The following NCOA1 variants were observed in gnomAD, a reference collection of about 807,000 sequenced individuals.
NCOA1 encodes the protein Hin-2 protein.
Under a neutral mutation model 150.9 loss-of-function variants are expected in NCOA1, and 35 were observed. That is an observed-to-expected ratio of 0.23 (90% confidence interval 0.18 to 0.31). The LOEUF (loss-of-function observed/expected upper bound fraction) is 0.31, where lower values mean the gene tolerates loss of function less well. NCOA1 is among the 10% of genes least tolerant of loss of function. The probability of loss-of-function intolerance (pLI) is 1.00; values close to 1 mark genes in which losing one functional copy is unlikely to be tolerated. For missense variants in NCOA1, 1,491 were observed against 1,749.3 expected (o/e 0.85, Z 2.63); for synonymous variants, 590 against 630.0 (o/e 0.94, Z 0.95).
Position 24,630,081 on chromosome 2 carries a change from G to A in NCOA1, c.-174-13885G>A, listed in dbSNP as rs952936103. Among the ~76,000 whole-genome samples, 4 of 151,840 alleles carry A rather than the reference G, an allele frequency of 2.6e-5. No homozygotes were observed. The East Asian group carries it at 7.8e-4, about 30-fold the overall frequency. On this transcript the variant is annotated intron_variant, in intron 3 of 22. Coordinates refer to ENST00000348332, the MANE Select transcript of NCOA1 (RefSeq NM_003743.5). ...AGGATGGTCTCGATCTCCTGACCTCGTGATCCGCCCGTCTCGGCCTCCCAA... is the reference window on the plus strand; with the variant it reads ...AGGATGGTCTCGATCTCCTGACCTCATGATCCGCCCGTCTCGGCCTCCCAA...
At chr2:24,600,122 C>T (rs1668051150) in intron 3 of NCOA1, among the ~76,000 whole-genome samples, 1 of 152,196 alleles carries the variant, frequency 6.6e-6, no homozygotes, top group South Asian at 2.1e-4. Flanking sequence ...ATTCCCCATT[C>T]CCTTCTTTAG....
intron 3 of NCOA1, among the ~76,000 whole-genome samples, chr2:24,621,926 C>G (rs1260957004): frequency 6.6e-6 from 1 of 152,148 alleles, no homozygotes; most frequent in Non-Finnish European, 1.5e-5. Flanking sequence ...AATGTTTGAC[C>G]GTATACTGTT....
At chr2:24,503,051 T>C (rs749411895) in intron 1 of NCOA1, among the ~76,000 whole-genome samples, 7 of 152,202 alleles carry the variant, frequency 4.6e-5, no homozygotes, top group African/African-American at 1.7e-4. Flanking sequence ...CACATAGATA[T>C]TACAATATTT....
chr2:24,550,840 G>A (rs1665797580), intron 1 of NCOA1, among the ~76,000 whole-genome samples: 1 of 152,186 alleles, frequency 6.6e-6, no homozygotes, highest in South Asian at 2.1e-4. Flanking sequence ...TGGGTGCAGT[G>A]GTTCATGCCT....
chr2:24,722,772 TA>T (rs575813656), intron 14 of NCOA1, among the ~76,000 whole-genome samples: 96 of 152,058 alleles, frequency 6.3e-4, no homozygotes, highest in Non-Finnish European at 1.3e-3. Flanking sequence ...TTTCAGTACC[TA>T]AAAAGATCCA....
At chr2:24,698,310 G>A (rs1035661737) in intron 11 of NCOA1, among the ~76,000 whole-genome samples, 1 of 152,038 alleles carries the variant, frequency 6.6e-6, no homozygotes, top group Non-Finnish European at 1.5e-5. Context: ...AGCAGAACAA[G>A]CATGTCAAAG....
At chr2:24,735,599 C>T (rs768468769) in intron 17 of NCOA1, among the ~76,000 whole-genome samples, 31 of 151,784 alleles carry the variant, frequency 2.0e-4, no homozygotes, top group Admixed American at 7.2e-4. Flanking sequence ...ACTTTTTACT[C>T]CTTGTGTAAA....
intron 19 of NCOA1, among the ~76,000 whole-genome samples, chr2:24,749,056 A>G (rs935302383): frequency 6.6e-6 from 1 of 152,278 alleles, no homozygotes; most frequent in Admixed American, 6.5e-5. Context: ...ACACAGTGCT[A>G]GCATTAAACA....
rs148648752 is a variant in NCOA1 at position 24,707,198 on chromosome 2, A to T, written c.1728A>T (p.Gln576His). Residue 576 changes from glutamine to histidine, a missense_variant, in exon 13 of 23, where the codon CAA becomes CAT. Coordinates refer to ENST00000348332, the MANE Select transcript of NCOA1 (RefSeq NM_003743.5). ...ATTCACCTAGCAGATTAAATATACAACCAGCAAAAGCTGAGTCCAAAGATA... is the reference window on the plus strand; with the variant it reads ...ATTCACCTAGCAGATTAAATATACATCCAGCAAAAGCTGAGTCCAAAGATA... ...SQNSPSRLNIQPAKAESKDNK... is the reference protein window; with the variant it reads ...SQNSPSRLNIHPAKAESKDNK... 1 of 1,614,212 alleles carries T rather than the reference A, an allele frequency of 6.2e-7. No homozygotes were observed. Among genetic ancestry groups the T allele is most frequent in the South Asian group, 1.1e-5 (1 of 91,088 alleles).
At chr2:24,610,331 C>T (rs577046675) in intron 3 of NCOA1, among the ~76,000 whole-genome samples, 1 of 151,596 alleles carries the variant, frequency 6.6e-6, no homozygotes, top group Admixed American at 6.6e-5. Context: ...TTAGTAGAGA[C>T]AGGGTTTTAC....
At chr2:24,521,971 A>G (rs1056937965) in intron 1 of NCOA1, among the ~76,000 whole-genome samples, 2 of 151,842 alleles carry the variant, frequency 1.3e-5, no homozygotes, top group Admixed American at 1.3e-4. Flanking sequence ...CCTTCACTCC[A>G]ATCCCCTTCC....
At chr2:24,580,558 A>G (rs1443302930) in intron 2 of NCOA1, among the ~76,000 whole-genome samples, 2 of 152,086 alleles carry the variant, frequency 1.3e-5, no homozygotes, top group Non-Finnish European at 2.9e-5. Flanking sequence ...GCATCCATCC[A>G]TTACATCTTT....
At chr2:24,663,829 C>T (rs1377978840) in intron 5 of NCOA1, among the ~76,000 whole-genome samples, 1 of 152,146 alleles carries the variant, frequency 6.6e-6, no homozygotes, top group African/African-American at 2.4e-5. Context: ...TTCTCTATCC[C>T]CTCTCTGTCT....
intron 7 of NCOA1, 134 bp from the exon 8 acceptor site, chr2:24,682,817 T>C (rs1029633592): frequency 1.8e-5 from 11 of 621,774 alleles, no homozygotes; most frequent in Non-Finnish European, 2.4e-5. Flanking sequence ...CTCTCCTGCG[T>C]ATCACAATTT....
chr2:24,678,996 G>C (rs1266122536), intron 7 of NCOA1, among the ~76,000 whole-genome samples: 2 of 152,146 alleles, frequency 1.3e-5, no homozygotes. Flanking sequence ...TATTCTTCTA[G>C]GGTTTTTATA....
At chr2:24,502,999 T>A (rs1663529513) in intron 1 of NCOA1, among the ~76,000 whole-genome samples, 1 of 152,208 alleles carries the variant, frequency 6.6e-6, no homozygotes, top group African/African-American at 2.4e-5. Flanking sequence ...GAATGGCAGA[T>A]GGGGATTAGG....
intron 5 of NCOA1, among the ~76,000 whole-genome samples, chr2:24,662,971 T>TA (rs1671254229): frequency 6.6e-6 from 1 of 151,450 alleles, no homozygotes; most frequent in Non-Finnish European, 1.5e-5. Flanking sequence ...TTTCTTTTTT[T>TA]TTTTTTAGAG....
chr2:24,596,297 A>C (rs1667882179), intron 3 of NCOA1, among the ~76,000 whole-genome samples: 1 of 152,134 alleles, frequency 6.6e-6, no homozygotes, highest in South Asian at 2.1e-4. Flanking sequence ...AAATTATAGT[A>C]CTGTGTTCAT....
At chr2:24,676,526 C>A (rs548200303) in intron 7 of NCOA1, 1 of 152,342 alleles carries the variant, frequency 6.6e-6, no homozygotes, top group Non-Finnish European at 1.5e-5. Context: ...GCATCAGATG[C>A]GAAAGAACCA....
Sources: gnomAD v4.1 joint callset for allele counts (sites outside exome capture counted in the v4.1 genomes callset) on GRCh38, gnomAD v4.1.1 for gene constraint, MANE v1.5 for transcripts, NCBI Gene and HGNC (gene_info 2026-07-23, HGNC 2026-07-21) for gene names.